GALNT17: variants seen among roughly 807,000 people sequenced by gnomAD.
The protein encoded by GALNT17 is UDP-GalNAc:polypeptide N-acetylgalactosaminyltransferase-like 3.
A neutral mutation model predicts 63.7 loss-of-function variants in GALNT17; 29 were observed. The ratio of observed to expected loss-of-function variants is 0.46; its 90% CI spans 0.34 to 0.62. GALNT17 has a LOEUF of 0.62. Ranked by LOEUF, GALNT17 falls within the 20% of genes least tolerant of loss-of-function variation. The probability of loss-of-function intolerance (pLI) is 0.01; values close to 1 mark genes in which losing one functional copy is unlikely to be tolerated. For missense variants in GALNT17, 603 were observed against 799.6 expected, an observed-to-expected ratio of 0.75 and a Z score of 2.97; for synonymous variants, 305 against 318.3, an observed-to-expected ratio of 0.96 and a Z score of 0.45.
intron 9 of GALNT17, among the ~76,000 whole-genome samples, chr7:71,704,213 A>G (rs1180515730): frequency 6.6e-6 from 1 of 152,210 alleles, no homozygotes; most frequent in Non-Finnish European, 1.5e-5. Context: ...TAAACACACT[A>G]CTTGCACTGG....
chr7:71,599,828 C>A (rs1013891709), intron 6 of GALNT17, among the ~76,000 whole-genome samples: 1 of 151,844 alleles, frequency 6.6e-6, no homozygotes, highest in African/African-American at 2.4e-5. Flanking sequence ...GACAAATATG[C>A]GATAATAATT....
chr7:71,519,717 G>GC (rs1334405472), intron 5 of GALNT17, among the ~76,000 whole-genome samples: 1 of 152,124 alleles, frequency 6.6e-6, no homozygotes, highest in African/African-American at 2.4e-5. Context: ...ACCTGCCTCG[G>GC]CCTCCCAAAG....
intron 5 of GALNT17, among the ~76,000 whole-genome samples, chr7:71,555,592 T>C (rs955607134): frequency 6.6e-6 from 1 of 152,038 alleles, no homozygotes; most frequent in Non-Finnish European, 1.5e-5. Context: ...ACATCCAAAT[T>C]ATATCAGCCT....
chr7:71,244,100 G>T (rs1455782345), intron 1 of GALNT17, among the ~76,000 whole-genome samples: 2 of 152,216 alleles, frequency 1.3e-5, no homozygotes, highest in Admixed American at 6.5e-5. Flanking sequence ...CAGTTAAGAA[G>T]AGAGTGTGGA....
At chr7:71,541,501 C>T (rs544958155) in intron 5 of GALNT17, among the ~76,000 whole-genome samples, 23 of 151,756 alleles carry the variant, frequency 1.5e-4, no homozygotes, top group Non-Finnish European at 2.5e-4. Flanking sequence ...TGCAGTGAGC[C>T]GAGATCTCGC....
chr7:71,401,448 T>C (rs546412692), intron 3 of GALNT17, among the ~76,000 whole-genome samples: 4 of 152,138 alleles, frequency 2.6e-5, no homozygotes, highest in African/African-American at 7.2e-5. Flanking sequence ...TAATTTACCT[T>C]GTTACCTTCT....
intron 6 of GALNT17, among the ~76,000 whole-genome samples, chr7:71,607,211 C>T (rs938534945): frequency 1.3e-5 from 2 of 152,014 alleles, no homozygotes; most frequent in Admixed American, 1.3e-4. Flanking sequence ...CCCAAGATAG[C>T]GATATGGTGA....
chr7:71,454,183 A>G (rs186897062), intron 5 of GALNT17, among the ~76,000 whole-genome samples: 1 of 152,286 alleles, frequency 6.6e-6, no homozygotes, highest in African/African-American at 2.4e-5. Context: ...TGCTGCACCT[A>G]GCAACCCATC....
At chr7:71,606,569 G>A (rs778864902) in intron 6 of GALNT17, among the ~76,000 whole-genome samples, 8 of 152,126 alleles carry the variant, frequency 5.3e-5, no homozygotes, top group Non-Finnish European at 1.0e-4. Flanking sequence ...CTTGCACGTG[G>A]TACCCAGTAG....
intron 9 of GALNT17, among the ~76,000 whole-genome samples, chr7:71,702,538 G>A (rs1176351444): frequency 6.6e-6 from 1 of 152,148 alleles, no homozygotes; most frequent in Non-Finnish European, 1.5e-5. Context: ...TTTTATTTTG[G>A]GTGAGATTGG....
At chr7:71,168,033 A>G (rs1788474630) in intron 1 of GALNT17, among the ~76,000 whole-genome samples, 1 of 152,178 alleles carries the variant, frequency 6.6e-6, no homozygotes, top group African/African-American at 2.4e-5. Context: ...TTCGTATATG[A>G]TGCAAGCTAT....
intron 5 of GALNT17, among the ~76,000 whole-genome samples, chr7:71,534,326 A>C (rs1459747021): frequency 6.6e-6 from 1 of 152,134 alleles, no homozygotes; most frequent in East Asian, 1.9e-4. Context: ...TTGGCCGGGC[A>C]CAGTGTGTCA....
At chr7:71,473,024 A>G (rs1787660922) in intron 5 of GALNT17, among the ~76,000 whole-genome samples, 3 of 152,238 alleles carry the variant, frequency 2.0e-5, no homozygotes, top group Admixed American at 1.3e-4. Context: ...ATGAATCAGT[A>G]CATGGAAAGT....
chr7:71,214,967 A>C (rs78206618), intron 1 of GALNT17, among the ~76,000 whole-genome samples: 6 of 152,184 alleles, frequency 3.9e-5, no homozygotes, highest in African/African-American at 1.4e-4. Context: ...ATTGAATTCT[A>C]CTTGATTCTC....
At chr7:71,354,882 G>T (rs993577375) in intron 2 of GALNT17, among the ~76,000 whole-genome samples, 1 of 152,088 alleles carries the variant, frequency 6.6e-6, no homozygotes, top group Non-Finnish European at 1.5e-5. Flanking sequence ...TGAGGAAATA[G>T]CTCTGTTTAA....
chr7:71,543,053 A>G (rs1788920378), intron 5 of GALNT17, among the ~76,000 whole-genome samples: 1 of 151,380 alleles, frequency 6.6e-6, no homozygotes, highest in South Asian at 2.1e-4. Context: ...AAAAAAAAAA[A>G]GCCCACACAC....
At chr7:71,430,727 A>G (rs2116485534) in intron 5 of GALNT17, among the ~76,000 whole-genome samples, 1 of 152,328 alleles carries the variant, frequency 6.6e-6, no homozygotes, top group Middle Eastern at 3.4e-3. Context: ...TTGGATATAT[A>G]GTTGCCGGGA....
At chr7:71,668,994 A>G (rs981211747) in intron 7 of GALNT17, among the ~76,000 whole-genome samples, 3 of 152,194 alleles carry the variant, frequency 2.0e-5, no homozygotes, top group Non-Finnish European at 4.4e-5. Flanking sequence ...TTCTTGTCGT[A>G]ATCAAATAAT....
At chr7:71,259,305 A>T (rs894590744) in intron 1 of GALNT17, among the ~76,000 whole-genome samples, 1 of 152,342 alleles carries the variant, frequency 6.6e-6, no homozygotes, top group Non-Finnish European at 1.5e-5. Flanking sequence ...TGAATGGGGG[A>T]TGGCACTTTC....
Sources: allele counts gnomAD v4.1 joint callset (sites outside exome capture counted in the v4.1 genomes callset), GRCh38; gene constraint gnomAD v4.1.1; transcripts MANE v1.5; gene names NCBI Gene and HGNC (gene_info 2026-07-23, HGNC 2026-07-21).